The following R3HCC1L variants were observed in gnomAD, a reference collection of about 807,000 sequenced individuals.
R3HCC1L encodes the protein R3H domain and coiled-coil containing 1 like.
In R3HCC1L, 51 loss-of-function variants were observed where a neutral mutation model predicts 59.9. The observed-to-expected ratio is 0.85, with a 90% CI of 0.68 to 1.07. The LOEUF (loss-of-function observed/expected upper bound fraction) is 1.07. Ranked by LOEUF, R3HCC1L falls within the 50% of genes least tolerant of loss-of-function variation. R3HCC1L has a pLI of 0.00. For synonymous variants in R3HCC1L, 322 were observed against 315.2 expected, an observed-to-expected ratio of 1.02 and a Z score of -0.23; for missense variants, 965 against 933.0, an observed-to-expected ratio of 1.03 and a Z score of -0.45.
intron 4 of R3HCC1L, among the ~76,000 whole-genome samples, chr10:98,206,589 A>G (rs1328049018): frequency 4.3e-5 from 3 of 69,784 alleles, no homozygotes; most frequent in Non-Finnish European, 9.3e-5. Flanking sequence ...CTCTAAATTC[A>G]TTTCTACCCA....
chr10:98,207,950 G>C (rs1262975385), intron 4 of R3HCC1L, among the ~76,000 whole-genome samples, 151 bp from the exon 5 acceptor site: 1 of 152,194 alleles, frequency 6.6e-6, no homozygotes, highest in Non-Finnish European at 1.5e-5. Flanking sequence ...CTTGAGCCTG[G>C]AAGGGCAGAG....
chr10:98,213,760 C>T (rs989318236), intron 5 of R3HCC1L, among the ~76,000 whole-genome samples: 8 of 152,092 alleles, frequency 5.3e-5, no homozygotes, highest in African/African-American at 1.9e-4. Flanking sequence ...ACCCCCTCAC[C>T]TGTCGTTCTA....
At chr10:98,242,169 ACT>A (rs1218468200) in intron 9 of R3HCC1L, among the ~76,000 whole-genome samples, 1 of 152,084 alleles carries the variant, frequency 6.6e-6, no homozygotes, top group Non-Finnish European at 1.5e-5. Flanking sequence ...GCATGGCGAA[ACT>A]CTGTCTCTAC....
chr10:98,234,454 G>A lies in R3HCC1L; in HGVS notation c.1970G>A (p.Gly657Glu), dbSNP rs865838691. The A allele has an allele frequency of 2.2e-5, 35 of 1,612,818 alleles. No homozygotes were observed. The highest frequency in any genetic ancestry group is 3.4e-4 in the Middle Eastern group (2 of 5,882). Reference sequence around the variant, plus strand: ...GTTTTTTTGTGTTGCAGAAAGAAAGGATTTGATATTAAATGGGTGGATGAT... The same window carrying A: ...GTTTTTTTGTGTTGCAGAAAGAAAGAATTTGATATTAAATGGGTGGATGAT... ...LRVFCSYQKK[G>E]FDIKWVDDTH... Residue 657 changes from glycine to glutamate, a missense_variant, in exon 7 of 10, where the codon GGA (glycine) becomes GAA (glutamate). By Grantham distance (98) the Gly-to-Glu change is moderately conservative. Transcript: ENST00000298999.
At chr10:98,169,877 A>G (rs970481082) in intron 4 of R3HCC1L, among the ~76,000 whole-genome samples, 4 of 150,900 alleles carry the variant, frequency 2.7e-5, no homozygotes, top group African/African-American at 9.8e-5. Context: ...TACTCACCTA[A>G]CACAACCTTT....
intron 4 of R3HCC1L, among the ~76,000 whole-genome samples, chr10:98,193,495 A>C (rs1171159555): frequency 6.6e-6 from 1 of 152,206 alleles, no homozygotes; most frequent in African/African-American, 2.4e-5. Flanking sequence ...GGAAATAAAG[A>C]AAATCTCATT....
At chr10:98,166,517 A>C (rs973835447) in intron 4 of R3HCC1L, among the ~76,000 whole-genome samples, 1 of 152,056 alleles carries the variant, frequency 6.6e-6, no homozygotes, top group Non-Finnish European at 1.5e-5. Flanking sequence ...GAACTTCTAA[A>C]TCTGTTTCTA....
Position 98,244,210 on chromosome 10 carries a change from C to G in R3HCC1L, c.*52C>G. On this transcript the variant is annotated 3_prime_UTR_variant, in exon 10 of 10. Coordinates refer to ENST00000298999, the MANE Select transcript of R3HCC1L (RefSeq NM_001351015.2). ...CATGAATCAGAAAATGTTTCCATAG[C>G]CTTCAGATAAGATGATCCTTCCAGA... 6.5e-7 allele frequency: 1 copy of G among 1,535,000 alleles called. No homozygotes were observed. The highest frequency in any genetic ancestry group is 9.0e-7 in the Non-Finnish European group (1 of 1,109,344).
rs140478396 is a variant in R3HCC1L, at chr10:98,208,898, G to A, written c.784G>A (p.Gly262Arg). ...AGATGGAATATTGAATCCCAGCAGC[G>A]GAGGCATCACCACTACTTCTGTTCC... ...TSDGILNPSS[G>R]GITTTSVPGS... Residue 262 changes from glycine (G) to arginine (R), a missense_variant, in exon 5 of 10, where the codon GGA (glycine) becomes AGA (arginine). Physicochemically the swap from Gly to Arg is moderately radical, Grantham distance 125. Transcript: ENST00000298999. 2.4e-5 allele frequency: 38 copies of A among 1,614,002 alleles called. No individual in the cohort carries two copies. Among genetic ancestry groups the A allele is most frequent in the Non-Finnish European group, 2.8e-5 (33 of 1,180,024 alleles).
intron 4 of R3HCC1L, among the ~76,000 whole-genome samples, chr10:98,198,643 A>G (rs1851717874): frequency 6.6e-6 from 1 of 151,838 alleles, no homozygotes; most frequent in Non-Finnish European, 1.5e-5. Flanking sequence ...TTTCTGATTT[A>G]TGGAACATGA....
At chr10:98,169,794 G>A (rs1848334928) in intron 4 of R3HCC1L, among the ~76,000 whole-genome samples, 1 of 151,664 alleles carries the variant, frequency 6.6e-6, no homozygotes, top group African/African-American at 2.4e-5. Flanking sequence ...TTTGCTTAAT[G>A]CAAATAAATC....
intron 1 of R3HCC1L, among the ~76,000 whole-genome samples, chr10:98,154,232 A>G (rs1191881473): frequency 6.6e-6 from 1 of 150,540 alleles, no homozygotes; most frequent in South Asian, 2.1e-4. Context: ...AGTAATAGTA[A>G]GGCAGTACAT....
chr10:98,149,522 A>G (rs952551709), intron 1 of R3HCC1L, among the ~76,000 whole-genome samples: 2 of 152,146 alleles, frequency 1.3e-5, no homozygotes, highest in East Asian at 3.9e-4. Flanking sequence ...GCTGTATTCT[A>G]TAGATTGTGG....
chr10:98,210,884 A>G (rs777562296), intron 5 of R3HCC1L, among the ~76,000 whole-genome samples: 12 of 152,222 alleles, frequency 7.9e-5, no homozygotes, highest in Non-Finnish European at 1.6e-4. Context: ...AGCTGGAAGT[A>G]TAGAAAAATT....
At chr10:98,180,020 A>G (rs1849477029) in intron 4 of R3HCC1L, among the ~76,000 whole-genome samples, 1 of 152,090 alleles carries the variant, frequency 6.6e-6, no homozygotes, top group Non-Finnish European at 1.5e-5. Context: ...TCCTGGATTC[A>G]TTGATTTTTT....
intron 8 of R3HCC1L, among the ~76,000 whole-genome samples, chr10:98,235,763 T>A (rs759040310): frequency 4.8e-4 from 73 of 152,210 alleles, no homozygotes; most frequent in Admixed American, 2.3e-3. Context: ...TCTGATGACA[T>A]CCCTACCTAG....
intron 4 of R3HCC1L, among the ~76,000 whole-genome samples, chr10:98,184,698 G>C (rs1274936691): frequency 6.6e-6 from 1 of 152,126 alleles, no homozygotes; most frequent in Non-Finnish European, 1.5e-5. Context: ...ATTTTGTGTT[G>C]GATTTTTCCA....
At chr10:98,184,632 C>T (rs1406826946) in intron 4 of R3HCC1L, among the ~76,000 whole-genome samples, 1 of 152,164 alleles carries the variant, frequency 6.6e-6, no homozygotes, top group Non-Finnish European at 1.5e-5. Context: ...TAGTACATTG[C>T]TGTTACATGT....
chr10:98,229,064 C>T lies in R3HCC1L; in HGVS notation c.1786-2448C>T, dbSNP rs536262190. Reference sequence around the variant, plus strand: ...TTGGCTTAGGATTGACTTGGCAATGCAGGCTCTTTTTTGGTTCCATATGAA... The same window carrying T: ...TTGGCTTAGGATTGACTTGGCAATGTAGGCTCTTTTTTGGTTCCATATGAA... On this transcript the variant is annotated intron_variant, in intron 5 of 9. Transcript: ENST00000298999. 4.5e-3 allele frequency among the ~76,000 whole-genome samples: 677 copies of T among 151,938 alleles called. 7 individuals carry two copies. Among genetic ancestry groups the T allele is most frequent in the African/African-American group, 0.015 (642 of 41,454 alleles).
Sources: gnomAD v4.1 joint callset for allele counts (sites outside exome capture counted in the v4.1 genomes callset) on GRCh38, gnomAD v4.1.1 for gene constraint, MANE v1.5 for transcripts, NCBI Gene and HGNC (gene_info 2026-07-23, HGNC 2026-07-21) for gene names.